Variants in HSDL2 observed in about 807,000 individuals in gnomAD.
HSDL2 encodes hydroxysteroid dehydrogenase-like protein 2.
A neutral mutation model predicts 46.3 loss-of-function variants in HSDL2; 27 were observed. The ratio of observed to expected loss-of-function variants is 0.58; its 90% CI spans 0.43 to 0.80. The LOEUF (loss-of-function observed/expected upper bound fraction) is 0.80, where lower values mean the gene tolerates loss of function less well. HSDL2 is among the 30% of genes least tolerant of loss of function. The pLI is 0.00. For synonymous variants in HSDL2, 153 were observed against 163.6 expected (o/e 0.94, Z 0.50); for missense variants, 451 against 502.7 (o/e 0.90, Z 0.98).
chr9:112,421,252 T>G (rs1166479355), intron 6 of HSDL2, among the ~76,000 whole-genome samples: 1 of 152,076 alleles, frequency 6.6e-6, no homozygotes, highest in Non-Finnish European at 1.5e-5. Flanking sequence ...GCTTGAGCCC[T>G]GGAGATTAAG....
intron 4 of HSDL2, among the ~76,000 whole-genome samples, chr9:112,414,463 TGTG>T (rs927422045): frequency 7.9e-5 from 12 of 152,062 alleles, no homozygotes; most frequent in African/African-American, 2.9e-4. Context: ...AGTATCTAAG[TGTG>T]GTGCTAAGAG....
intron 6 of HSDL2, among the ~76,000 whole-genome samples, chr9:112,432,306 T>A (rs972500486): frequency 6.6e-6 from 1 of 152,238 alleles, no homozygotes; most frequent in Non-Finnish European, 1.5e-5. Flanking sequence ...TACATCCCCT[T>A]CACATCACTT....
At chr9:112,463,732 C>T (rs6477937) in intron 10 of HSDL2, among the ~76,000 whole-genome samples, 145,271 of 152,078 alleles carry the variant, frequency 0.96, 69,445 homozygotes, top group African/African-American at 0.98. Flanking sequence ...ATGATCTCGG[C>T]TCACTGCAAC....
chr9:112,421,813 T>A (rs1208415910), intron 6 of HSDL2, among the ~76,000 whole-genome samples: 1 of 152,184 alleles, frequency 6.6e-6, no homozygotes, highest in Admixed American at 6.5e-5. Flanking sequence ...CTGCCGTCCC[T>A]CCCTTTCCCC....
At chr9:112,421,324 T>G (rs927384924) in intron 6 of HSDL2, among the ~76,000 whole-genome samples, 1 of 151,992 alleles carries the variant, frequency 6.6e-6, no homozygotes, top group African/African-American at 2.4e-5. Flanking sequence ...CAGAGTGAGA[T>G]CCTGTCTCAA....
chr9:112,453,373 TA>T (rs1832934665), intron 8 of HSDL2, among the ~76,000 whole-genome samples: 1 of 152,054 alleles, frequency 6.6e-6, no homozygotes, highest in South Asian at 2.1e-4. Flanking sequence ...CATACTCCAG[TA>T]GTTGTGTTTA....
intron 4 of HSDL2, chr9:112,414,105 A>C: frequency 6.2e-6 from 1 of 161,314 alleles, no homozygotes; most frequent in South Asian, 1.8e-4. Context: ...CAGTATATGC[A>C]TGCCAGGGCA....
intron 8 of HSDL2, among the ~76,000 whole-genome samples, chr9:112,448,312 A>G (rs1281998231): frequency 6.6e-6 from 1 of 152,056 alleles, no homozygotes; most frequent in African/African-American, 2.4e-5. Flanking sequence ...AAACTATTTT[A>G]TTTTAATTAT....
chr9:112,459,616 A>T, intron 10 of HSDL2, 39 bp downstream of exon 10: 1 of 1,574,048 alleles, frequency 6.4e-7, no homozygotes, highest in Non-Finnish European at 8.7e-7. Flanking sequence ...TATTGTTCAG[A>T]GAAAATTTAG....
chr9:112,417,685 G>A (rs952828477), intron 5 of HSDL2, among the ~76,000 whole-genome samples: 2 of 151,784 alleles, frequency 1.3e-5, no homozygotes, highest in African/African-American at 4.8e-5. Flanking sequence ...ACTGAAAGAA[G>A]TTCCACTTTA....
intron 4 of HSDL2, among the ~76,000 whole-genome samples, chr9:112,414,782 C>A (rs552822603): frequency 6.6e-6 from 1 of 152,238 alleles, no homozygotes; most frequent in South Asian, 2.1e-4. Flanking sequence ...AAAAGTGAAG[C>A]ACCTTTGGAA....
chr9:112,458,698 C>T (rs1390163853), intron 9 of HSDL2, among the ~76,000 whole-genome samples: 2 of 152,000 alleles, frequency 1.3e-5, no homozygotes, highest in Non-Finnish European at 2.9e-5. Flanking sequence ...ACAATCATCA[C>T]CTGCCGGGCA....
intron 8 of HSDL2, among the ~76,000 whole-genome samples, chr9:112,442,282 A>G (rs1286478696): frequency 4.0e-5 from 6 of 150,818 alleles, no homozygotes; most frequent in Non-Finnish European, 7.4e-5. Flanking sequence ...AAAAAAAAAA[A>G]AAAAAAAAAA....
chr9:112,454,011 A>T lies in HSDL2; in HGVS notation c.866-2A>T. ...GTCATTTGCTTCAATAATATCTTAT[A>T]GGTGCTGTTCCAGAATTCAAAGAAG... On this transcript the variant is annotated splice_acceptor_variant, in intron 8 of 10. Transcript: ENST00000398805. LOFTEE classifies it high-confidence loss of function. 6.2e-7 allele frequency: 1 copy of T among 1,612,826 alleles called. No individual in the cohort carries two copies. Among genetic ancestry groups the T allele is most frequent in the South Asian group, 1.1e-5 (1 of 90,906 alleles).
At chr9:112,443,239 C>T (rs1209825783) in intron 8 of HSDL2, among the ~76,000 whole-genome samples, 1 of 152,166 alleles carries the variant, frequency 6.6e-6, no homozygotes, top group East Asian at 1.9e-4. Flanking sequence ...TAAATAAGAA[C>T]CACTTATTGA....
At chr9:112,402,052 A>C (rs945075798) in intron 1 of HSDL2, among the ~76,000 whole-genome samples, 1 of 151,976 alleles carries the variant, frequency 6.6e-6, no homozygotes, top group Non-Finnish European at 1.5e-5. Context: ...TTATTAACAA[A>C]CCTGTTAATC....
rs768152071 is a variant in HSDL2 at position 112,470,531 on chromosome 9, A to G, written c.1244A>G (p.Asn415Ser). The change falls in exon 11 of 11, where the codon AAT (asparagine) becomes AGT (serine). Residue 415 changes from asparagine (N) to serine (S), a missense_variant. By Grantham distance (46) the Asn-to-Ser change is conservative. Coordinates refer to ENST00000398805, the MANE Select transcript of HSDL2 (RefSeq NM_032303.5). ...IKLEKLMNQM[N>S]ARL ...TTGGAGAAGCTAATGAATCAGATGA[A>G]TGCCAGACTGTGAAGGAAAATATAA... 1 of 1,586,392 alleles carries G rather than the reference A, an allele frequency of 6.3e-7. No homozygotes were observed. Among genetic ancestry groups the G allele is most frequent in the Non-Finnish European group, 8.6e-7 (1 of 1,159,418 alleles).
At chr9:112,381,062 A>G (rs1831078614) in intron 1 of HSDL2, among the ~76,000 whole-genome samples, 1 of 138,716 alleles carries the variant, frequency 7.2e-6, no homozygotes, top group Admixed American at 7.3e-5. Context: ...TCGTGCATGT[A>G]TGAACATAAT....
chr9:112,403,224 C>T (rs533744743), intron 1 of HSDL2, among the ~76,000 whole-genome samples: 12 of 152,314 alleles, frequency 7.9e-5, no homozygotes, highest in African/African-American at 2.9e-4. Flanking sequence ...AAGGAAACCC[C>T]TCAACCCTCC....
Sources: gnomAD v4.1 joint callset for allele counts (sites outside exome capture counted in the v4.1 genomes callset) on GRCh38, gnomAD v4.1.1 for gene constraint, MANE v1.5 for transcripts, NCBI Gene and HGNC (gene_info 2026-07-23, HGNC 2026-07-21) for gene names.